Variants in TMEM117 observed in about 807,000 individuals in gnomAD.
TMEM117 encodes the protein transmembrane protein 117.
In TMEM117, 27 loss-of-function variants were observed where a neutral mutation model predicts 52.4. The ratio of observed to expected loss-of-function variants is 0.51; its 90% CI spans 0.38 to 0.71. TMEM117 has a LOEUF of 0.71. Ranked by LOEUF, TMEM117 falls within the 30% of genes least tolerant of loss-of-function variation. TMEM117 has a pLI of 0.00. For synonymous variants in TMEM117, 215 were observed against 206.3 expected, an observed-to-expected ratio of 1.04 and a Z score of -0.36; for missense variants, 556 against 630.5, an observed-to-expected ratio of 0.88 and a Z score of 1.26.
chr12:43,936,661 G>T (rs1355380966), intron 2 of TMEM117, among the ~76,000 whole-genome samples: 1 of 152,150 alleles, frequency 6.6e-6, no homozygotes, highest in Non-Finnish European at 1.5e-5. Flanking sequence ...TGGCATATTT[G>T]GTGTTAGGGA....
At chr12:43,963,920 G>A (rs1272822490) in intron 3 of TMEM117, among the ~76,000 whole-genome samples, 1 of 152,162 alleles carries the variant, frequency 6.6e-6, no homozygotes, top group African/African-American at 2.4e-5. Flanking sequence ...ATTGAACTAA[G>A]TATCTCAGAA....
intron 3 of TMEM117, among the ~76,000 whole-genome samples, chr12:44,059,139 T>C (rs969071957): frequency 6.6e-6 from 1 of 152,108 alleles, no homozygotes; most frequent in Non-Finnish European, 1.5e-5. Flanking sequence ...GGAGCTCAGG[T>C]GGTAATGCTC....
At chr12:44,061,467 G>A (rs1013812873) in intron 3 of TMEM117, among the ~76,000 whole-genome samples, 1 of 152,070 alleles carries the variant, frequency 6.6e-6, no homozygotes, top group African/African-American at 2.4e-5. Flanking sequence ...TGCAGTGGGA[G>A]GATTGTGAGG....
intron 3 of TMEM117, among the ~76,000 whole-genome samples, chr12:43,977,064 A>G (rs913049360): frequency 7.2e-5 from 11 of 152,208 alleles, no homozygotes; most frequent in Admixed American, 2.6e-4. Flanking sequence ...GAAGAAAGGC[A>G]GATCTAAGAG....
At chr12:44,190,768 G>C (rs1949340704) in intron 4 of TMEM117, among the ~76,000 whole-genome samples, 1 of 151,634 alleles carries the variant, frequency 6.6e-6, no homozygotes, top group Non-Finnish European at 1.5e-5. Flanking sequence ...ATCCCAACAA[G>C]TGTGAAGAGA....
At chr12:44,327,075 G>T (rs554762555) in intron 6 of TMEM117, among the ~76,000 whole-genome samples, 2 of 152,142 alleles carry the variant, frequency 1.3e-5, no homozygotes, top group East Asian at 3.9e-4. Flanking sequence ...ATATTTTTAT[G>T]TATTTAATAT....
intron 3 of TMEM117, among the ~76,000 whole-genome samples, chr12:44,047,945 G>A (rs1162242401): frequency 1.3e-5 from 2 of 152,108 alleles, no homozygotes; most frequent in African/African-American, 4.8e-5. Flanking sequence ...AGTGTACAAA[G>A]TTGGCTTTGT....
intron 4 of TMEM117, among the ~76,000 whole-genome samples, chr12:44,203,198 T>C (rs1949520016): frequency 6.6e-6 from 1 of 152,176 alleles, no homozygotes; most frequent in Non-Finnish European, 1.5e-5. Context: ...GGAAGTTATA[T>C]GTTACCAGGA....
At chr12:43,826,666 C>T in the TMEM117 span, among the ~76,000 whole-genome samples, 3 of 152,128 alleles carry the variant, frequency 2.0e-5, no homozygotes, top group Non-Finnish European at 4.4e-5. Context: ...ATTGTGTAGT[C>T]CAATTTCCTT....
intron 2 of TMEM117, among the ~76,000 whole-genome samples, chr12:43,864,470 C>A (rs1020399862): frequency 6.6e-6 from 1 of 152,176 alleles, no homozygotes; most frequent in Non-Finnish European, 1.5e-5. Context: ...CCAATCAGCA[C>A]CCTGTGTCTA....
At chr12:43,823,478 A>G in the TMEM117 span, among the ~76,000 whole-genome samples, 3 of 152,138 alleles carry the variant, frequency 2.0e-5, no homozygotes, top group East Asian at 5.8e-4. Flanking sequence ...AGAGAGAACA[A>G]ATTTGTGTGA....
intron 2 of TMEM117, among the ~76,000 whole-genome samples, chr12:43,867,305 A>G (rs1461268603): frequency 1.3e-5 from 2 of 152,182 alleles, no homozygotes; most frequent in Non-Finnish European, 1.5e-5. Flanking sequence ...GCATGTTTCA[A>G]TCTTTAGAAC....
chr12:44,306,366 A>T (rs1950903260), intron 6 of TMEM117, among the ~76,000 whole-genome samples: 1 of 152,226 alleles, frequency 6.6e-6, no homozygotes. Context: ...CTATATCAAT[A>T]AATACAAATA....
chr12:44,275,264 G>A (rs150236137), intron 5 of TMEM117, among the ~76,000 whole-genome samples: 1 of 152,226 alleles, frequency 6.6e-6, no homozygotes, highest in East Asian at 1.9e-4. Flanking sequence ...TCTCACCCCA[G>A]TTAAAATGGT....
the TMEM117 span, among the ~76,000 whole-genome samples, chr12:43,807,124 G>A: frequency 6.6e-6 from 1 of 152,028 alleles, no homozygotes; most frequent in African/African-American, 2.4e-5. Flanking sequence ...TTTTGTGGGG[G>A]GTTTGGTTTT....
chr12:44,021,230 T>C (rs1946450771), intron 3 of TMEM117, among the ~76,000 whole-genome samples: 1 of 152,134 alleles, frequency 6.6e-6, no homozygotes, highest in African/African-American at 2.4e-5. Flanking sequence ...CAGTACCAAA[T>C]AGTTATCTTT....
intron 6 of TMEM117, among the ~76,000 whole-genome samples, chr12:44,337,338 A>G (rs1257874701): frequency 6.6e-6 from 1 of 152,042 alleles, no homozygotes; most frequent in Non-Finnish European, 1.5e-5. Flanking sequence ...TTTATAATCC[A>G]TTCATGAGGA....
intron 6 of TMEM117, among the ~76,000 whole-genome samples, chr12:44,341,583 G>T (rs1296870398): frequency 1.3e-5 from 2 of 152,076 alleles, no homozygotes; most frequent in African/African-American, 4.8e-5. Flanking sequence ...GGGAATGTAG[G>T]GTTGGTGTTA....
chr12:43,962,262 T>A (rs1229283118), intron 3 of TMEM117, among the ~76,000 whole-genome samples: 1 of 152,208 alleles, frequency 6.6e-6, no homozygotes, highest in African/African-American at 2.4e-5. Context: ...CTTTTCTCTA[T>A]TTCATTTGCC....
Sources: allele counts gnomAD v4.1 joint callset (sites outside exome capture counted in the v4.1 genomes callset), GRCh38; gene constraint gnomAD v4.1.1; transcripts MANE v1.5; gene names NCBI Gene and HGNC (gene_info 2026-07-23, HGNC 2026-07-21).